The following BMPR1B variants were observed in gnomAD, a reference collection of about 807,000 sequenced individuals.
The protein encoded by BMPR1B is bone morphogenetic protein receptor type-1B.
A neutral mutation model predicts 59.1 loss-of-function variants in BMPR1B; 12 were observed. The observed-to-expected ratio is 0.20, with a 90% CI of 0.13 to 0.33. The LOEUF is 0.33. Ranked by LOEUF, BMPR1B falls within the 10% of genes least tolerant of loss-of-function variation. The pLI is 1.00. For synonymous variants in BMPR1B, 237 were observed against 207.3 expected, an observed-to-expected ratio of 1.14 and a Z score of -1.23; for missense variants, 550 against 610.9, an observed-to-expected ratio of 0.90 and a Z score of 1.05.
chr4:95,130,537 A>G (rs938409158), intron 9 of BMPR1B, among the ~76,000 whole-genome samples: 1 of 152,098 alleles, frequency 6.6e-6, no homozygotes, highest in Non-Finnish European at 1.5e-5. Flanking sequence ...TCAAGAATTC[A>G]AGACCCTGTT....
chr4:94,869,875 C>A (rs1038775239), intron 1 of BMPR1B, among the ~76,000 whole-genome samples: 1 of 152,150 alleles, frequency 6.6e-6, no homozygotes, highest in Admixed American at 6.5e-5. Flanking sequence ...CCACTTTCCC[C>A]CTTGAGGCCT....
chr4:95,155,909 TTAG>T lies in BMPR1B; in HGVS notation c.*1240_*1242del, dbSNP rs2149334618. ...CTCTAGATGGGACAGCAGAGGACAGTTAGTAGAGGCCACAAACTGTTATGGGCT... is the reference window on the plus strand; with the variant it reads ...CTCTAGATGGGACAGCAGAGGACAGTTAGAGGCCACAAACTGTTATGGGCT... On this transcript the variant is annotated 3_prime_UTR_variant, in exon 13 of 13. Coordinates refer to ENST00000515059, the MANE Select transcript of BMPR1B (RefSeq NM_001203.3). The T allele has an allele frequency of 6.6e-6, 1 of 152,254 alleles. No homozygotes were observed. Among genetic ancestry groups the T allele is most frequent in the South Asian group, 2.1e-4 (1 of 4,808 alleles). 9.4% of individuals were successfully genotyped at this position (152,254 alleles called of 1,614,324 possible).
intron 3 of BMPR1B, among the ~76,000 whole-genome samples, chr4:95,089,038 A>G (rs1729793323): frequency 6.6e-6 from 1 of 152,162 alleles, no homozygotes; most frequent in South Asian, 2.1e-4. Context: ...AGTGGCCATT[A>G]AGATAGCCAT....
At chr4:94,874,885 C>T (rs904502322) in intron 1 of BMPR1B, among the ~76,000 whole-genome samples, 4 of 152,078 alleles carry the variant, frequency 2.6e-5, no homozygotes, top group Non-Finnish European at 5.9e-5. Flanking sequence ...CCCAGCTACT[C>T]TGGAGGCTGA....
At chr4:94,898,366 C>T (rs1159977842) in intron 2 of BMPR1B, among the ~76,000 whole-genome samples, 1 of 152,160 alleles carries the variant, frequency 6.6e-6, no homozygotes, top group East Asian at 1.9e-4. Flanking sequence ...CCATCCAAAT[C>T]TCATCTTGAA....
At chr4:95,077,328 A>G (rs1184219778) in intron 3 of BMPR1B, among the ~76,000 whole-genome samples, 1 of 152,162 alleles carries the variant, frequency 6.6e-6, no homozygotes, top group African/African-American at 2.4e-5. Context: ...CCTATATTAT[A>G]TAGGCCTCAG....
chr4:95,008,949 G>T (rs973568218), intron 3 of BMPR1B, among the ~76,000 whole-genome samples: 1 of 152,086 alleles, frequency 6.6e-6, no homozygotes, highest in African/African-American at 2.4e-5. Context: ...CAGTGCTTTG[G>T]AAGGCTGAGA....
At chr4:94,812,851 A>G (rs571049637) in intron 1 of BMPR1B, among the ~76,000 whole-genome samples, 1 of 152,306 alleles carries the variant, frequency 6.6e-6, no homozygotes, top group South Asian at 2.1e-4. Context: ...TTTGACCAAA[A>G]CTTTAATAAA....
intron 1 of BMPR1B, among the ~76,000 whole-genome samples, chr4:94,815,566 TG>T (rs1375720156): frequency 6.6e-6 from 1 of 152,248 alleles, no homozygotes. Context: ...TTGGCAATAT[TG>T]TTTTTTATTT....
intron 2 of BMPR1B, among the ~76,000 whole-genome samples, chr4:94,881,087 T>A (rs757168978): frequency 6.6e-6 from 1 of 152,212 alleles, no homozygotes; most frequent in African/African-American, 2.4e-5. Context: ...TTAACCATTT[T>A]CAAGTATGTG....
chr4:94,995,070 A>G (rs898826355), intron 2 of BMPR1B, among the ~76,000 whole-genome samples: 26 of 152,316 alleles, frequency 1.7e-4, no homozygotes, highest in African/African-American at 6.0e-4. Context: ...GACAAGAAGT[A>G]AAAAATATGG....
intron 3 of BMPR1B, among the ~76,000 whole-genome samples, chr4:95,095,232 A>G (rs1199778544): frequency 1.3e-5 from 2 of 152,032 alleles, no homozygotes; most frequent in African/African-American, 2.4e-5. Context: ...TAGCGATTAA[A>G]CTATCTGATG....
chr4:95,068,869 T>C (rs1397940226), intron 3 of BMPR1B, among the ~76,000 whole-genome samples: 4 of 152,172 alleles, frequency 2.6e-5, no homozygotes, highest in African/African-American at 9.7e-5. Context: ...ACCTTCAAAG[T>C]ACAGCAAGTC....
rs1032337966 is a variant in BMPR1B, at chr4:94,904,206, A to G, written c.-113+28306A>G. On this transcript the variant is annotated intron_variant, in intron 2 of 12. Coordinates refer to ENST00000515059, the MANE Select transcript of BMPR1B (RefSeq NM_001203.3). ...ATCATTAGATAGCAATCTGACATCAATGATTTGCTGTAGAAATGCGTTCCG... is the reference window on the plus strand; with the variant it reads ...ATCATTAGATAGCAATCTGACATCAGTGATTTGCTGTAGAAATGCGTTCCG... Among the ~76,000 whole-genome samples the G allele has an allele frequency of 1.4e-4, 22 of 152,128 alleles. No individual in the cohort carries two copies. In the South Asian group the frequency reaches 2.3e-3, roughly 16 times the overall value.
At chr4:95,002,344 G>A (rs1052954420) in intron 3 of BMPR1B, among the ~76,000 whole-genome samples, 1 of 152,116 alleles carries the variant, frequency 6.6e-6, no homozygotes, top group East Asian at 1.9e-4. Flanking sequence ...TAGTACCATG[G>A]TGCATATGTA....
rs1248360213 is a variant in BMPR1B, at chr4:95,155,117, A to G, written c.*444A>G. The G allele has an allele frequency of 2.2e-5, 4 of 184,572 alleles. No homozygotes were observed. The highest frequency in any genetic ancestry group is 1.1e-5 in the Non-Finnish European group (1 of 87,264). 11.4% of individuals were successfully genotyped at this position (184,572 alleles called of 1,614,324 possible). ...TTAAAATACTTGTTTTTCCATTGGT[A>G]AAATATTGTTGCACTCTGTGAACCA... On this transcript the variant is annotated 3_prime_UTR_variant, in exon 13 of 13. Coordinates refer to ENST00000515059, the MANE Select transcript of BMPR1B (RefSeq NM_001203.3).
At chr4:95,034,513 A>G (rs532994446) in intron 3 of BMPR1B, among the ~76,000 whole-genome samples, 4 of 152,124 alleles carry the variant, frequency 2.6e-5, no homozygotes, top group South Asian at 4.2e-4. Context: ...TCCTGCTTAT[A>G]AGTGGGAAAT....
intron 10 of BMPR1B, among the ~76,000 whole-genome samples, chr4:95,140,614 C>T (rs746226714): frequency 4.6e-5 from 7 of 152,136 alleles, no homozygotes; most frequent in South Asian, 2.1e-4. Flanking sequence ...CTTTAATTTC[C>T]CGGTCTTTGT....
At chr4:95,095,717 T>C (rs1237340370) in intron 3 of BMPR1B, among the ~76,000 whole-genome samples, 1 of 152,110 alleles carries the variant, frequency 6.6e-6, no homozygotes, top group Admixed American at 6.6e-5. Flanking sequence ...TAAAGTCTCA[T>C]ATCCATTTCT....
Sources: allele counts gnomAD v4.1 joint callset (sites outside exome capture counted in the v4.1 genomes callset), GRCh38; gene constraint gnomAD v4.1.1; transcripts MANE v1.5; gene names NCBI Gene and HGNC (gene_info 2026-07-23, HGNC 2026-07-21).